Variants in ELAPOR2 observed in about 807,000 individuals in gnomAD.
ELAPOR2 encodes the protein endosome/lysosome-associated apoptosis and autophagy regulator family member 2.
In ELAPOR2, 89 loss-of-function variants were observed where a neutral mutation model predicts 120.7. The ratio of observed to expected loss-of-function variants is 0.74; its 90% confidence interval spans 0.62 to 0.88. The LOEUF (loss-of-function observed/expected upper bound fraction) is 0.88, where lower values mean the gene tolerates loss of function less well. Among genes scored for constraint, ELAPOR2 ranks in the 40% least tolerant of loss-of-function variants. The pLI, the probability that ELAPOR2 is intolerant of heterozygous loss-of-function variation, is 0.00. For missense variants in ELAPOR2, 1,134 were observed against 1,251.6 expected, an observed-to-expected ratio of 0.91 and a Z score of 1.42; for synonymous variants, 444 against 444.9, an observed-to-expected ratio of 1.00 and a Z score of 0.03.
At chr7:86,906,330 T>C (rs1789014328) in intron 18 of ELAPOR2, among the ~76,000 whole-genome samples, 1 of 152,148 alleles carries the variant, frequency 6.6e-6, no homozygotes, top group Non-Finnish European at 1.5e-5. Context: ...GATGCCCTTT[T>C]ATTATTATTA....
intron 21 of ELAPOR2, among the ~76,000 whole-genome samples, chr7:86,881,278 C>T (rs979509213): frequency 6.6e-6 from 1 of 152,054 alleles, no homozygotes; most frequent in Non-Finnish European, 1.5e-5. Flanking sequence ...CTCACTGTCA[C>T]CTCTGCCTCC....
At chr7:86,952,305 A>T (rs1221476844) in intron 2 of ELAPOR2, among the ~76,000 whole-genome samples, 2 of 152,194 alleles carry the variant, frequency 1.3e-5, no homozygotes, top group African/African-American at 4.8e-5. Flanking sequence ...TATATACCAG[A>T]TGAGGAAACT....
At chr7:86,999,962 A>C (rs1793257294) in intron 1 of ELAPOR2, among the ~76,000 whole-genome samples, 1 of 152,156 alleles carries the variant, frequency 6.6e-6, no homozygotes, top group African/African-American at 2.4e-5. Context: ...CAAGAATAAA[A>C]ACAGTGCCAT....
rs1789943431 is a variant in ELAPOR2 at position 86,923,975 on chromosome 7, A to C, written c.1399+1553T>G. Among the ~76,000 whole-genome samples, 3 of 152,052 alleles carry C rather than the reference A, an allele frequency of 2.0e-5. No homozygotes were observed. The South Asian group carries it at 6.2e-4, about 31-fold the overall frequency. On this transcript the variant is annotated intron_variant, in intron 10 of 21. Transcript: ENST00000450689. ...CAAAGCACTCCAAATCATACAGTCA[A>C]GTTGGGCAAAGCACACTTGCTTTAA...
intron 1 of ELAPOR2, among the ~76,000 whole-genome samples, chr7:87,052,618 A>C (rs1045749103): frequency 1.3e-5 from 2 of 152,192 alleles, no homozygotes; most frequent in Non-Finnish European, 1.5e-5. Context: ...TAATGTTGAC[A>C]CTGCTAGTCC....
intron 1 of ELAPOR2, among the ~76,000 whole-genome samples, chr7:87,032,905 A>G (rs1316322172): frequency 6.6e-6 from 1 of 152,210 alleles, no homozygotes; most frequent in Non-Finnish European, 1.5e-5. Flanking sequence ...TTTCCTTGTG[A>G]AAATGTGGAA....
chr7:86,965,312 C>T (rs1165140261), intron 1 of ELAPOR2, among the ~76,000 whole-genome samples: 4 of 152,164 alleles, frequency 2.6e-5, no homozygotes, highest in Non-Finnish European at 4.4e-5. Flanking sequence ...TTCCCTATCT[C>T]TTGCAGGCTT....
chr7:86,931,660 C>A, intron 8 of ELAPOR2, among the ~76,000 whole-genome samples: 2 of 151,776 alleles, frequency 1.3e-5, no homozygotes, highest in Middle Eastern at 3.4e-3. Flanking sequence ...AGGTACTATA[C>A]TAGGCTTAGA....
chr7:87,042,948 A>T (rs1005952440), intron 1 of ELAPOR2, among the ~76,000 whole-genome samples: 4 of 152,226 alleles, frequency 2.6e-5, no homozygotes, highest in Non-Finnish European at 5.9e-5. Context: ...GATCCCACAG[A>T]AATACAAACT....
chr7:86,892,737 T>A (rs537778297), intron 20 of ELAPOR2, among the ~76,000 whole-genome samples, 185 bp downstream of exon 20: 1 of 152,070 alleles, frequency 6.6e-6, no homozygotes, highest in Non-Finnish European at 1.5e-5. Flanking sequence ...ATGATCTTTC[T>A]ACTGTCAGAA....
intron 1 of ELAPOR2, among the ~76,000 whole-genome samples, chr7:86,973,800 G>A (rs1792183583): frequency 6.6e-6 from 1 of 152,160 alleles, no homozygotes; most frequent in African/African-American, 2.4e-5. Flanking sequence ...CCCACAGACT[G>A]TAAAGCAACA....
At chr7:86,938,338 A>C (rs1790652120) in intron 7 of ELAPOR2, 124 bp from the exon 8 acceptor site, 2 of 657,978 alleles carry the variant, frequency 3.0e-6, no homozygotes, top group African/African-American at 3.6e-5. Context: ...CAATTTAGGT[A>C]GAACTACCTA....
chr7:86,945,020 T>C lies in ELAPOR2; in HGVS notation c.533A>G (p.Tyr178Cys), dbSNP rs767234488. ...NNSSWIPRGN[Y>C]IESNRDDCTV... is the part of the protein sequence containing the mutation. ...GCAGTCATCACGATTAGATTCTATG[T>C]AGTTTCCACGAGGGATCCAAGAAGA... The change falls in exon 4 of 22, where the codon TAC becomes TGC. Residue 178 changes from tyrosine (Y) to cysteine (C), a missense_variant. Tyr to Cys is a radical substitution (Grantham distance 194, BLOSUM62 -2). Coordinates refer to ENST00000450689, the MANE Select transcript of ELAPOR2 (RefSeq NM_001142749.3). 1 of 1,550,048 alleles carries C rather than the reference T, an allele frequency of 6.5e-7. No homozygotes were observed. Among genetic ancestry groups the C allele is most frequent in the East Asian group, 2.4e-5 (1 of 40,878 alleles).
chr7:86,997,945 CAAG>C (rs1438703914), intron 1 of ELAPOR2, among the ~76,000 whole-genome samples: 2 of 152,062 alleles, frequency 1.3e-5, no homozygotes, highest in Non-Finnish European at 2.9e-5. Flanking sequence ...ATGGGCATCC[CAAG>C]AAGCAAATTA....
intron 1 of ELAPOR2, among the ~76,000 whole-genome samples, chr7:87,054,125 C>T (rs1399410110): frequency 6.6e-6 from 1 of 152,038 alleles, no homozygotes; most frequent in Non-Finnish European, 1.5e-5. Flanking sequence ...ACATAGAACA[C>T]ACATGATGAA....
chr7:86,900,536 C>CA (rs1020985642), intron 18 of ELAPOR2, among the ~76,000 whole-genome samples: 4 of 151,098 alleles, frequency 2.6e-5, no homozygotes, highest in Admixed American at 6.6e-5. Flanking sequence ...ACTGCAACAA[C>CA]AAAAAAAAAT....
intron 1 of ELAPOR2, among the ~76,000 whole-genome samples, chr7:87,010,911 A>G (rs1044146499): frequency 6.6e-6 from 1 of 152,148 alleles, no homozygotes; most frequent in African/African-American, 2.4e-5. Context: ...GTTACTTTTA[A>G]AATAAAGGCT....
At chr7:87,040,812 T>A (rs1345987649) in intron 1 of ELAPOR2, among the ~76,000 whole-genome samples, 1 of 152,098 alleles carries the variant, frequency 6.6e-6, no homozygotes, top group East Asian at 1.9e-4. Flanking sequence ...ATCAAATTAC[T>A]CTGAGCTACG....
chr7:86,880,439 T>C lies in ELAPOR2; in HGVS notation c.*32A>G. On this transcript the variant is annotated 3_prime_UTR_variant, in exon 22 of 22. Transcript: ENST00000450689. The stretch of plus-strand genomic sequence containing the variant: ...TGTAAAACTAGAGCAGGTTTCTTTG[T>C]TCATTAGTCTCAAGGCTACAGCACT... 4 of 1,518,084 alleles carry C rather than the reference T, an allele frequency of 2.6e-6. No individual in the cohort carries two copies. Among genetic ancestry groups the C allele is most frequent in the South Asian group, 1.1e-5 (1 of 88,738 alleles). The allele number at this position is 1,518,084 out of a possible 1,614,324, so 94.0% of individuals were successfully genotyped here. A position where few individuals can be genotyped will look rare whatever the true frequency, so the allele number is the denominator to read the frequency against.
Sources: allele counts gnomAD v4.1 joint callset (sites outside exome capture counted in the v4.1 genomes callset), GRCh38; gene constraint gnomAD v4.1.1; transcripts MANE v1.5; gene names NCBI Gene and HGNC (gene_info 2026-07-23, HGNC 2026-07-21).